Variants in NRG1 observed in about 807,000 individuals in gnomAD.
NRG1 encodes neuregulin 1.
Under a neutral mutation model 63.8 loss-of-function variants are expected in NRG1, and 18 were observed. The observed-to-expected ratio is 0.28, with a 90% CI of 0.19 to 0.42. NRG1 has a LOEUF of 0.42. Among genes scored for constraint, NRG1 ranks in the 10% least tolerant of loss-of-function variants. The probability of loss-of-function intolerance (pLI) is 1.00; values close to 1 mark genes in which losing one functional copy is unlikely to be tolerated. For missense variants in NRG1, 762 were observed against 814.7 expected (o/e 0.94, Z 0.79); for synonymous variants, 302 against 301.3 (o/e 1.00, Z -0.02).
intron 1 of NRG1, among the ~76,000 whole-genome samples, chr8:32,280,679 GGTTTTTTTTTTGT>G (rs1163306892): frequency 1.0e-3 from 96 of 95,150 alleles, no homozygotes; most frequent in Non-Finnish European, 1.1e-3. Context: ...AACTGAATTA[GGTTTTTTTTTTGT>G]TTTTTTTTTT....
At chr8:32,402,612 A>T (rs1398251492) in intron 1 of NRG1, among the ~76,000 whole-genome samples, 1 of 152,106 alleles carries the variant, frequency 6.6e-6, no homozygotes, top group East Asian at 1.9e-4. Flanking sequence ...CGACCATGGC[A>T]GTATGGGGGT....
intron 1 of NRG1, among the ~76,000 whole-genome samples, chr8:32,090,138 T>C (rs1464749245): frequency 6.6e-6 from 1 of 152,236 alleles, no homozygotes; most frequent in Non-Finnish European, 1.5e-5. Context: ...GTCATTTCAT[T>C]TCTTTAAACC....
At chr8:32,259,011 C>T (rs1034137498) in intron 1 of NRG1, among the ~76,000 whole-genome samples, 4 of 152,114 alleles carry the variant, frequency 2.6e-5, no homozygotes, top group African/African-American at 2.4e-5. Flanking sequence ...ATTACTTACC[C>T]GAGATCAATA....
intron 1 of NRG1, among the ~76,000 whole-genome samples, chr8:32,038,037 C>G (rs1819353858): frequency 6.6e-6 from 1 of 152,212 alleles, no homozygotes; most frequent in African/African-American, 2.4e-5. Flanking sequence ...TGCAAAAACT[C>G]TTATGTCTCA....
chr8:32,234,478 T>G (rs546256493), intron 1 of NRG1, among the ~76,000 whole-genome samples: 469 of 152,290 alleles, frequency 3.1e-3, no homozygotes, highest in Middle Eastern at 6.8e-3. Flanking sequence ...TCCCATAAGC[T>G]AAGAAGTTAC....
intron 5 of NRG1, among the ~76,000 whole-genome samples, chr8:32,713,899 A>G (rs1415475926): frequency 6.6e-6 from 1 of 151,604 alleles, no homozygotes; most frequent in East Asian, 1.9e-4. Flanking sequence ...ATCTCAGCTC[A>G]CTGCAACTTC....
intron 1 of NRG1, among the ~76,000 whole-genome samples, chr8:32,463,872 T>A (rs1319959813): frequency 1.1e-5 from 1 of 88,408 alleles, no homozygotes; most frequent in African/African-American, 5.0e-5. Flanking sequence ...AAACTTAGAA[T>A]TCTTTTTTTT....
At chr8:31,950,603 G>A (rs1159199) in intron 1 of NRG1, among the ~76,000 whole-genome samples, 1 of 152,242 alleles carries the variant, frequency 6.6e-6, no homozygotes, top group East Asian at 1.9e-4. Flanking sequence ...TCAACTAGTC[G>A]GCTTCTCTAA....
chr8:32,228,107 C>A (rs1846524568), intron 1 of NRG1, among the ~76,000 whole-genome samples: 1 of 152,088 alleles, frequency 6.6e-6, no homozygotes, highest in Non-Finnish European at 1.5e-5. Flanking sequence ...GTGAATTTAT[C>A]CTTGGATTTC....
At position 32,495,190 on chromosome 8, in the gene NRG1, G is replaced by C. The variant is rs149016730; in HGVS notation, c.38-100638G>C. On this transcript the variant is annotated intron_variant, in intron 1 of 10. Transcript: ENST00000519301. ...TCTTGAACTGTAGCTCCCATAATTC[G>C]CACGTCATGGGAGGGATCCCGTCGG... Among the ~76,000 whole-genome samples, 1,422 of 152,234 alleles carry C rather than the reference G, an allele frequency of 9.3e-3. 13 individuals carry two copies. Among genetic ancestry groups the C allele is most frequent in the African/African-American group, 0.031 (1,289 of 41,540 alleles).
At chr8:32,620,125 A>G (rs372935361) in intron 5 of NRG1, among the ~76,000 whole-genome samples, 108 of 152,350 alleles carry the variant, frequency 7.1e-4, no homozygotes, top group African/African-American at 2.5e-3. Flanking sequence ...TGCCAAATAT[A>G]TAAAAAAGTC....
At chr8:31,742,455 A>ATTTTTT (rs36040084) in intron 1 of NRG1, among the ~76,000 whole-genome samples, 2,487 of 79,942 alleles carry the variant, frequency 0.031, 316 homozygotes, top group African/African-American at 0.11. Flanking sequence ...TTTTTTAAGA[A>ATTTTTT]TTTTTTTTTT....
intron 1 of NRG1, among the ~76,000 whole-genome samples, chr8:32,006,706 G>C (rs536765051): frequency 6.6e-6 from 1 of 152,002 alleles, no homozygotes; most frequent in African/African-American, 2.4e-5. Context: ...GGAACCTGGA[G>C]CTCAGACCTA....
intron 1 of NRG1, among the ~76,000 whole-genome samples, chr8:31,765,311 C>G (rs1439280353): frequency 6.6e-6 from 1 of 152,044 alleles, no homozygotes; most frequent in African/African-American, 2.4e-5. Flanking sequence ...TGCAGTCAGT[C>G]TACCATTTAT....
chr8:32,627,593 C>A (rs1849526607), intron 5 of NRG1, among the ~76,000 whole-genome samples: 1 of 152,158 alleles, frequency 6.6e-6, no homozygotes, highest in Admixed American at 6.5e-5. Flanking sequence ...TAGACGTGAG[C>A]CACCATACCC....
chr8:32,731,118 T>C (rs930508860), intron 6 of NRG1, among the ~76,000 whole-genome samples: 1 of 152,186 alleles, frequency 6.6e-6, no homozygotes, highest in Non-Finnish European at 1.5e-5. Flanking sequence ...TTCCACATAT[T>C]AATTTCAGCT....
At chr8:32,476,801 G>A (rs1346810033) in intron 1 of NRG1, among the ~76,000 whole-genome samples, 1 of 152,094 alleles carries the variant, frequency 6.6e-6, no homozygotes, top group Admixed American at 6.5e-5. Context: ...ACTGAATTTC[G>A]TGGTTAATTG....
intron 1 of NRG1, among the ~76,000 whole-genome samples, chr8:31,961,898 A>G (rs746399890): frequency 2.0e-5 from 3 of 152,204 alleles, no homozygotes; most frequent in Non-Finnish European, 4.4e-5. Flanking sequence ...TGTCAAAGCA[A>G]TATAGACCAC....
chr8:31,807,410 G>A (rs1822396086), intron 1 of NRG1, among the ~76,000 whole-genome samples: 1 of 152,166 alleles, frequency 6.6e-6, no homozygotes, highest in South Asian at 2.1e-4. Context: ...GGCAGGGTCT[G>A]TGGCTATCTT....
Sources: allele counts gnomAD v4.1 joint callset (sites outside exome capture counted in the v4.1 genomes callset), GRCh38; gene constraint gnomAD v4.1.1; transcripts MANE v1.5; gene names NCBI Gene and HGNC (gene_info 2026-07-23, HGNC 2026-07-21).